Variants in CNTLN observed in about 807,000 individuals in gnomAD.
CNTLN encodes the protein centlein, centrosomal protein.
Under a neutral mutation model 180.0 loss-of-function variants are expected in CNTLN, and 212 were observed. The observed-to-expected ratio is 1.18, with a 90% CI of 1.05 to 1.32. CNTLN has a LOEUF of 1.32. CNTLN is among the 40% of genes most tolerant of loss of function. CNTLN has a pLI of 0.00. For synonymous variants in CNTLN, 722 were observed against 563.1 expected, an observed-to-expected ratio of 1.28 and a Z score of -3.99; for missense variants, 2,095 against 1,610.9, an observed-to-expected ratio of 1.30 and a Z score of -5.14.
intron 15 of CNTLN, among the ~76,000 whole-genome samples, chr9:17,407,228 T>G (rs1385252675): frequency 5.3e-5 from 8 of 152,178 alleles, no homozygotes; most frequent in Admixed American, 5.2e-4. Flanking sequence ...AGATGGGTAA[T>G]TCTATAGTTG....
At chr9:17,347,771 T>C (rs1465363500) in intron 12 of CNTLN, among the ~76,000 whole-genome samples, 2 of 151,938 alleles carry the variant, frequency 1.3e-5, no homozygotes, top group African/African-American at 2.4e-5. Context: ...CTTAAAATGC[T>C]CAGAACACTT....
At chr9:17,325,374 A>ATG (rs1469276121) in intron 8 of CNTLN, among the ~76,000 whole-genome samples, 26 of 110,650 alleles carry the variant, frequency 2.3e-4, no homozygotes, top group African/African-American at 7.3e-4. Flanking sequence ...GTGCATGTGT[A>ATG]TGTATGTGTG....
intron 2 of CNTLN, among the ~76,000 whole-genome samples, chr9:17,157,814 T>A (rs1819405925): frequency 6.6e-6 from 1 of 152,232 alleles, no homozygotes; most frequent in African/African-American, 2.4e-5. Flanking sequence ...CAGTAGTGCA[T>A]AAATTTAGAT....
At chr9:17,419,984 G>A (rs745385342) in intron 18 of CNTLN, among the ~76,000 whole-genome samples, 6 of 152,052 alleles carry the variant, frequency 3.9e-5, no homozygotes, top group Admixed American at 2.6e-4. Flanking sequence ...GCGCAATCTC[G>A]GCTCACTGCA....
chr9:17,306,528 C>T (rs1410991336), intron 7 of CNTLN, among the ~76,000 whole-genome samples: 2 of 152,112 alleles, frequency 1.3e-5, no homozygotes, highest in African/African-American at 2.4e-5. Flanking sequence ...ATGAATGAAT[C>T]GGCCTAAAGC....
At chr9:17,384,968 C>G (rs113589000) in intron 13 of CNTLN, among the ~76,000 whole-genome samples, 2,307 of 152,280 alleles carry the variant, frequency 0.015, 63 homozygotes, top group African/African-American at 0.052. Flanking sequence ...ATTTTAGATC[C>G]CAGTCACAAG....
chr9:17,350,349 A>T (rs1416536398), intron 12 of CNTLN, among the ~76,000 whole-genome samples: 1 of 152,208 alleles, frequency 6.6e-6, no homozygotes, highest in East Asian at 1.9e-4. Context: ...GTCTTTCTAT[A>T]CTAATCTGTA....
intron 2 of CNTLN, among the ~76,000 whole-genome samples, chr9:17,173,367 G>A (rs570970723): frequency 5.3e-5 from 8 of 152,140 alleles, no homozygotes; most frequent in African/African-American, 1.2e-4. Context: ...ATACATGTGC[G>A]TATGCATATT....
chr9:17,473,689 A>G (rs1832164200), intron 23 of CNTLN, among the ~76,000 whole-genome samples: 4 of 151,838 alleles, frequency 2.6e-5, no homozygotes, highest in African/African-American at 7.3e-5. Context: ...GTAGCAAAAC[A>G]CCTCAAAAGT....
intron 2 of CNTLN, among the ~76,000 whole-genome samples, chr9:17,169,496 CT>C (rs1394839463): frequency 6.6e-6 from 1 of 152,130 alleles, no homozygotes; most frequent in Non-Finnish European, 1.5e-5. Flanking sequence ...TGTCAAGGAG[CT>C]TTTCCCTATT....
At chr9:17,268,040 C>G (rs985199934) in intron 5 of CNTLN, among the ~76,000 whole-genome samples, 1 of 152,146 alleles carries the variant, frequency 6.6e-6, no homozygotes, top group East Asian at 1.9e-4. Context: ...CTCAACTTGT[C>G]AAAGTCATTC....
In CNTLN at chr9:17,394,593, A is replaced by G. The variant is rs1564066024; in HGVS notation, c.2139A>G (p.Glu713=). 1 of 1,595,826 alleles carries G rather than the reference A, an allele frequency of 6.3e-7. No homozygotes were observed. Among genetic ancestry groups the G allele is most frequent in the African/African-American group, 1.4e-5 (1 of 73,498 alleles). ...AGAAAAGGTCGAGAAAATTAAAAGAAGGGAATAAAAAATTAATGAAAGAAA... is the reference window on the plus strand; with the variant it reads ...AGAAAAGGTCGAGAAAATTAAAAGAGGGGAATAAAAAATTAATGAAAGAAA... ...SFEKRSRKLK[E]GNKKLMKEND... is the part of the protein sequence containing the mutation. Residue 713 remains glutamate, a synonymous_variant, in exon 15 of 26, where the codon GAA becomes GAG. Transcript: ENST00000380647.
At chr9:17,153,760 G>A (rs778655607) in intron 2 of CNTLN, among the ~76,000 whole-genome samples, 11 of 152,252 alleles carry the variant, frequency 7.2e-5, no homozygotes, top group Middle Eastern at 3.4e-3. Flanking sequence ...TTCCAACTCG[G>A]TTCCATTCTC....
chr9:17,161,368 T>G (rs1187496714), intron 2 of CNTLN, among the ~76,000 whole-genome samples: 2 of 152,196 alleles, frequency 1.3e-5, no homozygotes, highest in African/African-American at 4.8e-5. Context: ...TGCTATTATA[T>G]ATAAACTCTC....
chr9:17,271,381 A>G (rs765882104), intron 5 of CNTLN, among the ~76,000 whole-genome samples: 2 of 152,166 alleles, frequency 1.3e-5, no homozygotes, highest in Non-Finnish European at 2.9e-5. Context: ...GACCACCTGT[A>G]CTAAGGGGTG....
At chr9:17,314,231 C>T (rs147433221) in intron 8 of CNTLN, among the ~76,000 whole-genome samples, 1 of 152,108 alleles carries the variant, frequency 6.6e-6, no homozygotes, top group East Asian at 1.9e-4. Flanking sequence ...TTTTCCTTCT[C>T]TATTGGGTCT....
At chr9:17,334,260 A>G (rs1169064020) in intron 10 of CNTLN, among the ~76,000 whole-genome samples, 1 of 151,910 alleles carries the variant, frequency 6.6e-6, no homozygotes, top group African/African-American at 2.4e-5. Flanking sequence ...GAGTTTTACC[A>G]TGTTGGCCAG....
At chr9:17,307,426 G>A (rs955049147) in intron 7 of CNTLN, among the ~76,000 whole-genome samples, 3 of 151,872 alleles carry the variant, frequency 2.0e-5, no homozygotes, top group African/African-American at 4.8e-5. Flanking sequence ...ATGCTACCAC[G>A]CCTGGGTAAT....
At chr9:17,237,543 G>T (rs567536839) in intron 5 of CNTLN, among the ~76,000 whole-genome samples, 1 of 151,828 alleles carries the variant, frequency 6.6e-6, no homozygotes, top group African/African-American at 2.4e-5. Flanking sequence ...AAAAGATACA[G>T]TATAACAACT....
Sources: gnomAD v4.1 joint callset for allele counts (sites outside exome capture counted in the v4.1 genomes callset) on GRCh38, gnomAD v4.1.1 for gene constraint, MANE v1.5 for transcripts, NCBI Gene and HGNC (gene_info 2026-07-23, HGNC 2026-07-21) for gene names.